The following PDK3 variants were observed in gnomAD, a reference collection of about 807,000 sequenced individuals.
PDK3 encodes the protein pyruvate dehydrogenase kinase 3.
A neutral mutation model predicts 32.0 loss-of-function variants in PDK3; 12 were observed. The ratio of observed to expected loss-of-function variants is 0.37; its 90% confidence interval spans 0.24 to 0.61. PDK3 has a LOEUF of 0.61. Among genes scored for constraint, PDK3 ranks in the 20% least tolerant of loss-of-function variants. The pLI is 0.65. For missense variants in PDK3, 188 were observed against 316.9 expected (o/e 0.59, Z 3.09); for synonymous variants, 122 against 116.3 (o/e 1.05, Z -0.31).
rs773363870 is a variant in PDK3 at position 24,503,319 on chromosome X, T to A, written c.321-8T>A. Reference sequence around the variant, plus strand: ...AGACTGACCACGTTTTGTTTCCCTCTCACACAGCTTTCTACAAGTTCTGAT... The same window carrying A: ...AGACTGACCACGTTTTGTTTCCCTCACACACAGCTTTCTACAAGTTCTGAT... On this transcript the variant is annotated splice_region_variant and splice_polypyrimidine_tract_variant and intron_variant, in intron 3 of 10. Transcript: ENST00000379162. The A allele has an allele frequency of 5.9e-6, 7 of 1,191,274 alleles. No individual in the cohort carries two copies. Among genetic ancestry groups the A allele is most frequent in the Non-Finnish European group, 7.9e-6 (7 of 883,768 alleles).
In PDK3 at chrX:24,493,024, C is replaced by A. The variant is rs763196279; in HGVS notation, c.107-1718C>A. 3.6e-5 allele frequency among the ~76,000 whole-genome samples: 4 copies of A among 109,963 alleles called. No homozygotes were observed. The South Asian group carries it at 1.6e-3, about 43-fold the overall frequency. On this transcript the variant is annotated intron_variant, in intron 1 of 10. Transcript: ENST00000379162. ...AAAAAAAAAAAAAAATGACCAGAGT[C>A]ATTTTAAATGTTAATTGCCTAAGGC... is the stretch of plus-strand genomic sequence containing the variant.
intron 1 of PDK3, among the ~76,000 whole-genome samples, chrX:24,472,947 A>G (rs1235904263): frequency 9.2e-6 from 1 of 108,326 alleles, no homozygotes. Flanking sequence ...TCAGCCTCCC[A>G]AAGTGCTAGG....
chrX:24,526,138 A>G, intron 6 of PDK3, 60 bp from the exon 7 acceptor site: 2 of 842,952 alleles, frequency 2.4e-6, no homozygotes, highest in Non-Finnish European at 3.5e-6. Context: ...TGCAAACATC[A>G]TTCTTGAATT....
chrX:24,504,944 G>A (rs188185459), intron 4 of PDK3, among the ~76,000 whole-genome samples: 3 of 111,798 alleles, frequency 2.7e-5, no homozygotes, highest in African/African-American at 6.5e-5. Flanking sequence ...GAGGAAGAAC[G>A]GATTGGGCAC....
intron 9 of PDK3, among the ~76,000 whole-genome samples, chrX:24,531,340 G>A (rs1444538865): frequency 3.6e-5 from 4 of 111,880 alleles, no homozygotes; most frequent in Admixed American, 1.9e-4. Context: ...GATTACAGGC[G>A]TGAGCCACTG....
intron 5 of PDK3, among the ~76,000 whole-genome samples, chrX:24,511,626 T>C (rs1478704845): frequency 9.0e-6 from 1 of 111,219 alleles, no homozygotes; most frequent in Admixed American, 9.6e-5. Flanking sequence ...GGCGGGTGGA[T>C]CACCTGAGGT....
chrX:24,505,159 C>A, intron 4 of PDK3, 50 bp from the exon 5 acceptor site: 1 of 927,013 alleles, frequency 1.1e-6, no homozygotes, highest in Non-Finnish European at 1.5e-6. Context: ...GTGTGACCAT[C>A]CCAGCCTGCT....
At chrX:24,526,557 A>G (rs1043096128) in intron 7 of PDK3, among the ~76,000 whole-genome samples, 3 of 111,737 alleles carry the variant, frequency 2.7e-5, no homozygotes, top group African/African-American at 9.8e-5. Flanking sequence ...TAGTTATGAG[A>G]TTAGAGATGC....
In PDK3 at chrX:24,527,555, A is replaced by G. The variant is rs1373300825; in HGVS notation, c.751-19A>G. On this transcript the variant is annotated intron_variant, in intron 7 of 10. Coordinates refer to ENST00000379162, the MANE Select transcript of PDK3 (RefSeq NM_005391.5). ...TGTGATTCGGCAGTATGATTAATAA[A>G]AAGATCTTATTATTTTAGAACTCAA... The G allele has an allele frequency of 2.1e-6, 2 of 964,535 alleles. No homozygotes were observed. Among genetic ancestry groups the G allele is most frequent in the Non-Finnish European group, 2.9e-6 (2 of 695,885 alleles). 79.5% of individuals were successfully genotyped at this position (964,535 alleles called of 1,213,427 possible).
chrX:24,469,897 A>G (rs976191059), intron 1 of PDK3, among the ~76,000 whole-genome samples: 4 of 112,452 alleles, frequency 3.6e-5, no homozygotes, highest in Admixed American at 9.4e-5. Context: ...ATCATCTCAC[A>G]TAGTTACCCT....
chrX:24,487,789 CAAAG>C (rs927823237), intron 1 of PDK3, among the ~76,000 whole-genome samples: 3 of 109,506 alleles, frequency 2.7e-5, no homozygotes, highest in Non-Finnish European at 3.8e-5. Flanking sequence ...GAACAATGGA[CAAAG>C]AAAGCCTTCA....
chrX:24,517,189 A>G (rs1480492038), intron 5 of PDK3, among the ~76,000 whole-genome samples: 1 of 111,273 alleles, frequency 9.0e-6, no homozygotes, highest in African/African-American at 3.3e-5. Flanking sequence ...AAGGTTTAAA[A>G]TTTATCAAAC....
intron 1 of PDK3, among the ~76,000 whole-genome samples, chrX:24,472,723 T>C (rs1380096912): frequency 1.0e-5 from 1 of 99,508 alleles, no homozygotes; most frequent in Admixed American, 1.1e-4. Flanking sequence ...TTTTTGCTCA[T>C]GTTGCCCAGG....
intron 1 of PDK3, among the ~76,000 whole-genome samples, chrX:24,486,079 C>T (rs1199853119): frequency 1.8e-5 from 2 of 112,019 alleles, no homozygotes; most frequent in Non-Finnish European, 3.8e-5. Flanking sequence ...ACAGTGTGAC[C>T]TTGGCACCCC....
At chrX:24,540,386 C>T (rs1006758575) in exon 12 of PDK3, among the ~76,000 whole-genome samples, 2 of 111,795 alleles carry the variant, frequency 1.8e-5, no homozygotes, top group East Asian at 5.6e-4. Context: ...ATAAATGTTT[C>T]AGTCCAATTT....
At chrX:24,537,117 CTTTTTTTTTT>C (rs34294652), downstream of PDK3, among the ~76,000 whole-genome samples, 1 of 82,753 alleles carries the variant, frequency 1.2e-5, no homozygotes, top group Non-Finnish European at 2.3e-5. Flanking sequence ...CTTTTCTTTT[CTTTTTTTTTT>C]TTTTTTTTGA....
chrX:24,477,595 A>G (rs938465854), intron 1 of PDK3, among the ~76,000 whole-genome samples: 3 of 111,418 alleles, frequency 2.7e-5, no homozygotes, highest in Non-Finnish European at 5.6e-5. Context: ...TCTAGTGCAC[A>G]GTCTGAGTTT....
chrX:24,533,831 A>C, intron 10 of PDK3, 98 bp from the exon 11 acceptor site: 1 of 915,774 alleles, frequency 1.1e-6, no homozygotes, highest in Non-Finnish European at 1.5e-6. Context: ...ATATGTATTA[A>C]GGTTTCTGAT....
At chrX:24,512,627 A>G (rs947677840) in intron 5 of PDK3, among the ~76,000 whole-genome samples, 4 of 111,579 alleles carry the variant, frequency 3.6e-5, no homozygotes, top group Non-Finnish European at 7.5e-5. Context: ...GCCAGGTGTG[A>G]TGGCGTGTGC....
Sources: gnomAD v4.1 joint callset for allele counts (sites outside exome capture counted in the v4.1 genomes callset) on GRCh38, gnomAD v4.1.1 for gene constraint, MANE v1.5 for transcripts, NCBI Gene and HGNC (gene_info 2026-07-23, HGNC 2026-07-21) for gene names.